Variants in NME9 observed in about 807,000 individuals in gnomAD.
The protein encoded by NME9 is NME/NM23 family member 9.
Under a neutral mutation model 44.4 loss-of-function variants are expected in NME9, and 48 were observed. The ratio of observed to expected loss-of-function variants is 1.08; its 90% CI spans 0.86 to 1.37. The LOEUF (loss-of-function observed/expected upper bound fraction) is 1.37. NME9 is among the 40% of genes most tolerant of loss of function. The pLI is 0.00. For synonymous variants in NME9, 139 were observed against 147.1 expected, an observed-to-expected ratio of 0.94 and a Z score of 0.40; for missense variants, 325 against 405.2, an observed-to-expected ratio of 0.80 and a Z score of 1.70.
chr3:138,277,877 A>G (rs2049458319), intron 8 of NME9, among the ~76,000 whole-genome samples: 1 of 152,212 alleles, frequency 6.6e-6, no homozygotes, highest in South Asian at 2.1e-4. Flanking sequence ...ATCCCTCAAC[A>G]AACTATGGTG....
intron 8 of NME9, among the ~76,000 whole-genome samples, chr3:138,292,057 G>A (rs1403802715): frequency 2.0e-5 from 3 of 151,782 alleles, no homozygotes; most frequent in Admixed American, 1.3e-4. Context: ...TTTCTTTCGA[G>A]ATGGAGTTTC....
intron 8 of NME9, among the ~76,000 whole-genome samples, chr3:138,277,127 A>G (rs2049372253): frequency 6.6e-6 from 1 of 152,186 alleles, no homozygotes; most frequent in Non-Finnish European, 1.5e-5. Context: ...AGACCCACAC[A>G]TATATGGCCA....
chr3:138,314,652 T>C (rs976648362), intron 5 of NME9, among the ~76,000 whole-genome samples: 1 of 152,110 alleles, frequency 6.6e-6, no homozygotes, highest in Admixed American at 6.5e-5. Context: ...TTCATAAGCA[T>C]TAAGTAGAGA....
chr3:138,267,034 C>T, intron 8 of NME9: 1 of 599,454 alleles, frequency 1.7e-6, no homozygotes, highest in Non-Finnish European at 2.8e-6. Context: ...TCCTATCTCT[C>T]CAATACGAAG....
chr3:138,304,917 C>T lies in NME9; in HGVS notation c.747G>A (p.Met249Ile), dbSNP rs760044978. 1.2e-6 allele frequency: 2 copies of T among 1,614,134 alleles called. No individual in the cohort carries two copies. Among genetic ancestry groups the T allele is most frequent in the Non-Finnish European group, 1.7e-6 (2 of 1,180,004 alleles). The change falls in exon 9 of 11, where the codon ATG becomes ATA. Residue 249 changes from methionine (M) to isoleucine (I), a missense_variant. By Grantham distance (10) the Met-to-Ile change is conservative. Coordinates refer to ENST00000333911, the MANE Select transcript of NME9 (RefSeq NM_001349018.2). ...EDVVTTWRTV[M>I]GPRDPNVARR... Reference sequence around the variant, plus strand: ...TGGCCACATTGGGGTCACGGGGGCCCATGACGGTTCGCCAGGTAGTGACCA... The same window carrying T: ...TGGCCACATTGGGGTCACGGGGGCCTATGACGGTTCGCCAGGTAGTGACCA...
At chr3:138,300,841 A>G (rs929182754), downstream of NME9, among the ~76,000 whole-genome samples, 2 of 152,222 alleles carry the variant, frequency 1.3e-5, no homozygotes, top group African/African-American at 4.8e-5. Context: ...GAAATCTGGC[A>G]GCATTAAATG....
chr3:138,273,167 G>C, intron 8 of NME9: 1 of 1,527,980 alleles, frequency 6.5e-7, no homozygotes, highest in Non-Finnish European at 8.9e-7. Context: ...CATATGCATT[G>C]CAAGACATTG....
At chr3:138,270,048 G>T in intron 8 of NME9, 1 of 1,611,842 alleles carries the variant, frequency 6.2e-7, no homozygotes, top group South Asian at 1.1e-5. Flanking sequence ...AGCCAATTTT[G>T]GAATCAGGAG....
chr3:138,300,439 G>GGCATTT (rs1162667009), downstream of NME9, among the ~76,000 whole-genome samples: 1 of 152,222 alleles, frequency 6.6e-6, no homozygotes, highest in African/African-American at 2.4e-5. Flanking sequence ...GGAAGACGCT[G>GGCATTT]GCATTTGCTT....
chr3:138,275,776 G>A (rs1181419691), intron 8 of NME9, among the ~76,000 whole-genome samples: 1 of 152,082 alleles, frequency 6.6e-6, no homozygotes, highest in Non-Finnish European at 1.5e-5. Flanking sequence ...TTGAATTTGT[G>A]AGCAAAAAGT....
At chr3:138,311,283 G>A (rs1378154729) in intron 6 of NME9, among the ~76,000 whole-genome samples, 1 of 152,128 alleles carries the variant, frequency 6.6e-6, no homozygotes, top group Admixed American at 6.6e-5. Context: ...CTCAGGACCT[G>A]ATGGCTTCAA....
Position 138,306,431 on chromosome 3 carries a change from C to T in NME9, c.510G>A (p.Val170=). ...CTLAIIKPDA[V]AHGKTDEIIM... ...TAATCTCATCAGTCTTTCCATGGGC[C>T]ACTGCATCTGGTTTAATGATGGCCA... The change falls in exon 7 of 11, where the codon GTG becomes GTA. Residue 170 remains valine, a synonymous_variant. Coordinates refer to ENST00000333911, the MANE Select transcript of NME9 (RefSeq NM_001349018.2). The T allele has an allele frequency of 6.2e-7, 1 of 1,613,524 alleles. No individual in the cohort carries two copies. Among genetic ancestry groups the T allele is most frequent in the Non-Finnish European group, 8.5e-7 (1 of 1,179,544 alleles).
chr3:138,288,684 GCT>G (rs2050659289), intron 8 of NME9, among the ~76,000 whole-genome samples: 1 of 146,316 alleles, frequency 6.8e-6, no homozygotes, highest in Non-Finnish European at 1.5e-5. Flanking sequence ...TGTCACCCAG[GCT>G]GAGTGCAATG....
rs1350400389 is a variant in NME9 at position 138,263,518 on chromosome 3, G to T, written c.746-932C>A. The T allele has an allele frequency of 1.2e-5, 7 of 572,558 alleles. No individual in the cohort carries two copies. The South Asian group carries it at 1.5e-4, about 12-fold the overall frequency. 35.5% of individuals were successfully genotyped at this position (572,558 alleles called of 1,614,324 possible). A position where few individuals can be genotyped will look rare whatever the true frequency, so the allele number is the denominator to read the frequency against. ...TCTTTAAAAATAAACAACATAACCTGCCCCTTACGCCTGTCATTCAGCCTG... is the reference window on the plus strand; with the variant it reads ...TCTTTAAAAATAAACAACATAACCTTCCCCTTACGCCTGTCATTCAGCCTG... On this transcript the variant is annotated intron_variant, in intron 8 of 8. Transcript: ENST00000317876.
chr3:138,314,442 G>C (rs1221866701), intron 5 of NME9, 35 bp from the exon 6 acceptor site: 2 of 1,334,522 alleles, frequency 1.5e-6, no homozygotes, highest in Non-Finnish European at 1.1e-6. Flanking sequence ...AAAGTAGTTA[G>C]CTAATTAACA....
chr3:138,276,529 T>C (rs987680221), intron 8 of NME9, among the ~76,000 whole-genome samples: 7 of 152,158 alleles, frequency 4.6e-5, no homozygotes, highest in Non-Finnish European at 8.8e-5. Flanking sequence ...TGAATGCCTA[T>C]AATAGAAAAT....
intron 8 of NME9, among the ~76,000 whole-genome samples, chr3:138,271,818 CAG>C: frequency 7.9e-6 from 1 of 127,272 alleles, no homozygotes; most frequent in Admixed American, 7.8e-5. Flanking sequence ...TTTTTTGATA[CAG>C]AGTCTCGCTT....
At chr3:138,291,027 T>A (rs578129471) in intron 8 of NME9, among the ~76,000 whole-genome samples, 7 of 152,226 alleles carry the variant, frequency 4.6e-5, no homozygotes, top group Non-Finnish European at 8.8e-5. Flanking sequence ...CTGGCCCAGC[T>A]CCTGGGGATA....
intron 6 of NME9, among the ~76,000 whole-genome samples, chr3:138,311,254 GTCT>G (rs1443205366): frequency 6.6e-6 from 1 of 152,094 alleles, no homozygotes; most frequent in Non-Finnish European, 1.5e-5. Flanking sequence ...GTAATAAAAA[GTCT>G]TCTGCCAAAG....
Sources: allele counts gnomAD v4.1 joint callset (sites outside exome capture counted in the v4.1 genomes callset), GRCh38; gene constraint gnomAD v4.1.1; transcripts MANE v1.5; gene names NCBI Gene and HGNC (gene_info 2026-07-23, HGNC 2026-07-21).